Variants in PRKN observed in about 807,000 individuals in gnomAD.
PRKN encodes the protein E3 ubiquitin-protein ligase parkin.
In PRKN, 56 loss-of-function variants were observed where a neutral mutation model predicts 59.5. The observed-to-expected ratio is 0.94, with a 90% confidence interval of 0.76 to 1.18. The LOEUF (loss-of-function observed/expected upper bound fraction) is 1.18, where lower values mean the gene tolerates loss of function less well. Among genes scored for constraint, PRKN ranks in the 50% most tolerant of loss-of-function variants. The pLI, the probability that PRKN is intolerant of heterozygous loss-of-function variation, is 0.00. For missense variants in PRKN, 657 were observed against 596.4 expected, an observed-to-expected ratio of 1.10 and a Z score of -1.06; for synonymous variants, 250 against 222.1, an observed-to-expected ratio of 1.13 and a Z score of -1.12.
chr6:162,241,327 G>A (rs977083944), intron 3 of PRKN, among the ~76,000 whole-genome samples: 15 of 151,964 alleles, frequency 9.9e-5, no homozygotes, highest in Non-Finnish European at 1.3e-4. Flanking sequence ...AACTGCTAAC[G>A]CAAACAGTAT....
chr6:161,714,861 C>T (rs971005157), intron 7 of PRKN, among the ~76,000 whole-genome samples: 1 of 152,168 alleles, frequency 6.6e-6, no homozygotes, highest in Non-Finnish European at 1.5e-5. Context: ...CCCACAAAGA[C>T]ACATATCAGT....
chr6:161,746,413 C>T (rs915377270), intron 7 of PRKN, among the ~76,000 whole-genome samples: 17 of 151,738 alleles, frequency 1.1e-4, no homozygotes, highest in African/African-American at 4.1e-4. Context: ...GGGTCTAAGT[C>T]CAGAATCCCC....
At chr6:162,645,876 T>C (rs1425507024) in intron 1 of PRKN, among the ~76,000 whole-genome samples, 3 of 144,686 alleles carry the variant, frequency 2.1e-5, no homozygotes, top group Non-Finnish European at 4.6e-5. Flanking sequence ...CTCTTTTTTT[T>C]TTTTTTTTTT....
intron 1 of PRKN, among the ~76,000 whole-genome samples, chr6:162,476,540 C>CA (rs1438648478): frequency 6.6e-6 from 1 of 151,954 alleles, no homozygotes; most frequent in Non-Finnish European, 1.5e-5. Context: ...TTAAGTGAAA[C>CA]AAAGGGGCAG....
chr6:162,067,880 TTG>T (rs1032659625), intron 4 of PRKN, among the ~76,000 whole-genome samples: 3 of 152,266 alleles, frequency 2.0e-5, no homozygotes, highest in African/African-American at 7.2e-5. Flanking sequence ...ATTTGTTGTT[TTG>T]TTCACTTTTC....
At position 161,776,602 on chromosome 6, in the gene PRKN, G is replaced by T. The variant is rs115645106; in HGVS notation, c.871+9170C>A. The stretch of plus-strand genomic sequence containing the variant: ...AGTAGTTCTTAAATATTTAAACGTG[G>T]GAACTTTAACAAACCATGATGCCTA... On this transcript the variant is annotated intron_variant, in intron 7 of 11. Coordinates refer to ENST00000366898, the MANE Select transcript of PRKN (RefSeq NM_004562.3). 7.7e-3 allele frequency among the ~76,000 whole-genome samples: 1,175 copies of T among 152,222 alleles called. 12 individuals carry two copies. The highest frequency in any genetic ancestry group is 0.027 in the Middle Eastern group (8 of 294).
At chr6:161,571,742 GGT>G in intron 7 of PRKN, among the ~76,000 whole-genome samples, 1 of 152,122 alleles carries the variant, frequency 6.6e-6, no homozygotes, top group East Asian at 1.9e-4. Flanking sequence ...TTTCTGGGTG[GGT>G]GTGTGAGAGT....
chr6:162,622,134 GA>G (rs796295108), intron 1 of PRKN, among the ~76,000 whole-genome samples: 6 of 151,988 alleles, frequency 3.9e-5, no homozygotes, highest in East Asian at 1.9e-4. Context: ...TTAAGTTGAA[GA>G]AAAAAACATG....
At chr6:161,978,752 C>A (rs897943374) in intron 5 of PRKN, among the ~76,000 whole-genome samples, 5 of 152,254 alleles carry the variant, frequency 3.3e-5, no homozygotes, top group African/African-American at 1.2e-4. Context: ...TCCAGCTGTG[C>A]TGAGCGACAG....
intron 9 of PRKN, among the ~76,000 whole-genome samples, chr6:161,425,946 T>C (rs1788331972): frequency 6.6e-6 from 1 of 152,076 alleles, no homozygotes; most frequent in Non-Finnish European, 1.5e-5. Context: ...GTCCTCCTTT[T>C]AGAGACTAAT....
At chr6:161,746,564 T>C (rs1788422420) in intron 7 of PRKN, among the ~76,000 whole-genome samples, 1 of 144,080 alleles carries the variant, frequency 6.9e-6, no homozygotes, top group African/African-American at 2.6e-5. Context: ...TTTTTATATA[T>C]ATATATTTAT....
chr6:161,621,103 G>A (rs1161492578), intron 7 of PRKN, among the ~76,000 whole-genome samples: 1 of 152,146 alleles, frequency 6.6e-6, no homozygotes, highest in East Asian at 1.9e-4. Flanking sequence ...AGGGTGCAGG[G>A]GAGAGGCTCA....
At position 161,462,588 on chromosome 6, in the gene PRKN, C is replaced by A. The variant is rs1018134880; in HGVS notation, c.1084-75711G>T. ...ATGTCTGATCAGCAATATAGCTCAC[C>A]CTTATTTTAAAAGGTCTACTTTGAA... On this transcript the variant is annotated intron_variant, in intron 9 of 11. Coordinates refer to ENST00000366898, the MANE Select transcript of PRKN (RefSeq NM_004562.3). This position sits in a 1 kb window ranked among gnomAD's most constrained non-coding sequence, Gnocchi z 4.5. Among the ~76,000 whole-genome samples the A allele has an allele frequency of 1.3e-5, 2 of 151,864 alleles. No homozygotes were observed. Among genetic ancestry groups the A allele is most frequent in the Non-Finnish European group, 2.9e-5 (2 of 68,006 alleles).
chr6:162,271,190 TCA>T (rs1780372611), intron 2 of PRKN, among the ~76,000 whole-genome samples: 1 of 151,944 alleles, frequency 6.6e-6, no homozygotes, highest in Non-Finnish European at 1.5e-5. Context: ...TGGAAGCCCA[TCA>T]CAGTTTTTAA....
intron 1 of PRKN, among the ~76,000 whole-genome samples, chr6:162,722,167 C>T (rs10945860): frequency 0.18 from 27,007 of 152,064 alleles, 3,091 homozygotes; most frequent in East Asian, 0.48. Context: ...GTGTACCCAT[C>T]CCTACCCAGC....
At chr6:161,435,789 A>G (rs951376536) in intron 9 of PRKN, among the ~76,000 whole-genome samples, 1 of 146,400 alleles carries the variant, frequency 6.8e-6, no homozygotes, top group Admixed American at 6.9e-5. Flanking sequence ...TTTTTTCCCT[A>G]AATAAAACCT....
chr6:161,943,169 C>T (rs561028169), intron 6 of PRKN, among the ~76,000 whole-genome samples: 1 of 152,314 alleles, frequency 6.6e-6, no homozygotes, highest in East Asian at 1.9e-4. Flanking sequence ...TCCATTAAAT[C>T]CACTGTCCAT....
At chr6:161,427,161 G>C (rs948546459) in intron 9 of PRKN, among the ~76,000 whole-genome samples, 5 of 152,094 alleles carry the variant, frequency 3.3e-5, no homozygotes, top group Non-Finnish European at 5.9e-5. Context: ...TGGGACTACT[G>C]ATATGCACCA....
intron 7 of PRKN, among the ~76,000 whole-genome samples, chr6:161,704,219 G>A (rs1382924644): frequency 3.3e-5 from 5 of 152,006 alleles, no homozygotes; most frequent in East Asian, 1.9e-4. Context: ...TCTAGAAGAC[G>A]GAACACTCCC....
Sources: allele counts gnomAD v4.1 joint callset (sites outside exome capture counted in the v4.1 genomes callset), GRCh38; gene constraint gnomAD v4.1.1; non-coding constraint Gnocchi (gnomAD v3.1); transcripts MANE v1.5; gene names NCBI Gene and HGNC (gene_info 2026-07-23, HGNC 2026-07-21).